Variants in SLC35F3 observed in about 807,000 individuals in gnomAD.
The protein encoded by SLC35F3 is solute carrier family 35 member F3.
In SLC35F3, 25 loss-of-function variants were observed where a neutral mutation model predicts 49.9. The ratio of observed to expected loss-of-function variants is 0.50; its 90% confidence interval spans 0.37 to 0.70. The LOEUF (loss-of-function observed/expected upper bound fraction) is 0.70, where lower values mean the gene tolerates loss of function less well. SLC35F3 is among the 30% of genes least tolerant of loss of function. The pLI is 0.00. For missense variants in SLC35F3, 525 were observed against 639.8 expected (o/e 0.82, Z 1.94); for synonymous variants, 275 against 265.4 (o/e 1.04, Z -0.35).
At chr1:234,275,386 A>T (rs1270394631) in intron 3 of SLC35F3, among the ~76,000 whole-genome samples, 1 of 152,136 alleles carries the variant, frequency 6.6e-6, no homozygotes, top group Non-Finnish European at 1.5e-5. Context: ...AGCATTTTGG[A>T]TAAGGAATAC....
intron 2 of SLC35F3, among the ~76,000 whole-genome samples, chr1:234,048,248 C>T (rs527777414): frequency 1.3e-5 from 2 of 152,036 alleles, no homozygotes; most frequent in African/African-American, 4.8e-5. Context: ...GAAACCAGAA[C>T]TTAAAAATTT....
chr1:234,292,642 T>C (rs969003977), intron 3 of SLC35F3, among the ~76,000 whole-genome samples: 2 of 152,160 alleles, frequency 1.3e-5, no homozygotes, highest in Admixed American at 6.5e-5. Flanking sequence ...TGTCTTGGAA[T>C]GGGAAAGGGC....
chr1:234,255,339 C>G (rs901476381), intron 3 of SLC35F3, among the ~76,000 whole-genome samples: 1 of 152,212 alleles, frequency 6.6e-6, no homozygotes, highest in African/African-American at 2.4e-5. Flanking sequence ...AGATCTAGAA[C>G]ACTGACAACA....
At chr1:234,164,716 A>G (rs733066) in intron 2 of SLC35F3, among the ~76,000 whole-genome samples, 21,788 of 151,920 alleles carry the variant, frequency 0.14, 4,847 homozygotes, top group African/African-American at 0.48. Context: ...GAGACATCAG[A>G]GCAATTTACC....
At chr1:234,015,825 T>C (rs753838254) in intron 2 of SLC35F3, among the ~76,000 whole-genome samples, 21 of 152,092 alleles carry the variant, frequency 1.4e-4, no homozygotes, top group Non-Finnish European at 2.9e-4. Context: ...AAACTAAAAA[T>C]TTTCTGCACC....
At chr1:234,280,910 C>A (rs1668314562) in intron 3 of SLC35F3, among the ~76,000 whole-genome samples, 1 of 152,178 alleles carries the variant, frequency 6.6e-6, no homozygotes, top group African/African-American at 2.4e-5. Context: ...TCATCCCAAC[C>A]AGAATGCTGA....
At chr1:234,035,123 A>T (rs1664121655) in intron 2 of SLC35F3, among the ~76,000 whole-genome samples, 1 of 152,146 alleles carries the variant, frequency 6.6e-6, no homozygotes, top group Non-Finnish European at 1.5e-5. Flanking sequence ...TGCATCTTGT[A>T]TCTTTCTTTC....
At chr1:233,905,220 T>G (rs1661752618) in intron 1 of SLC35F3, 90 bp downstream of exon 1, 1 of 1,413,864 alleles carries the variant, frequency 7.1e-7, no homozygotes, top group South Asian at 1.2e-5. Flanking sequence ...CACTGGGCAG[T>G]CTGAGGCTCG....
intron 2 of SLC35F3, among the ~76,000 whole-genome samples, chr1:233,922,388 G>A (rs1662077900): frequency 3.3e-5 from 5 of 151,990 alleles, no homozygotes; most frequent in African/African-American, 4.8e-5. Context: ...TTCTCTGATG[G>A]CCAGTGATGA....
At position 234,102,110 on chromosome 1, in the gene SLC35F3, T is replaced by C. The variant is rs76422983; in HGVS notation, c.284-129307T>C. Among the ~76,000 whole-genome samples, 648 of 152,320 alleles carry C rather than the reference T, an allele frequency of 4.3e-3. 8 individuals carry two copies. Among genetic ancestry groups the C allele is most frequent in the African/African-American group, 0.015 (616 of 41,568 alleles). On this transcript the variant is annotated intron_variant, in intron 2 of 7. Coordinates refer to ENST00000366618, the MANE Select transcript of SLC35F3 (RefSeq NM_173508.4). ...GCTCTTCAGAAAGTATCACTACCCATGGTCACGTAGAAGGAATTTACTTTC... is the reference window on the plus strand; with the variant it reads ...GCTCTTCAGAAAGTATCACTACCCACGGTCACGTAGAAGGAATTTACTTTC...
At chr1:233,959,653 A>G (rs189187779) in intron 2 of SLC35F3, among the ~76,000 whole-genome samples, 25 of 152,342 alleles carry the variant, frequency 1.6e-4, no homozygotes, top group African/African-American at 5.8e-4. Context: ...TCATGGAACA[A>G]TAGGACATGT....
intron 3 of SLC35F3, among the ~76,000 whole-genome samples, chr1:234,302,835 AG>A (rs1668714714): frequency 6.6e-6 from 1 of 152,162 alleles, no homozygotes; most frequent in Admixed American, 6.5e-5. Context: ...CTTCAACCAC[AG>A]AAACTTTACC....
intron 2 of SLC35F3, among the ~76,000 whole-genome samples, chr1:234,208,829 T>C (rs1667011015): frequency 1.3e-5 from 2 of 152,272 alleles, no homozygotes; most frequent in South Asian, 4.2e-4. Context: ...TGTCATTAAA[T>C]ACCCATCCAA....
intron 2 of SLC35F3, among the ~76,000 whole-genome samples, chr1:234,156,142 TAAC>T (rs1357868727): frequency 6.6e-6 from 1 of 152,182 alleles, no homozygotes. Flanking sequence ...TATTTCAAGT[TAAC>T]AATGTCATGG....
chr1:233,925,837 A>G (rs919841187), intron 2 of SLC35F3, among the ~76,000 whole-genome samples: 10 of 152,158 alleles, frequency 6.6e-5, no homozygotes, highest in South Asian at 2.1e-4. Context: ...GGTGGTGACA[A>G]AATCTCTGAG....
rs1031729988 is a variant in SLC35F3 at position 234,064,144 on chromosome 1, C to T, written c.283+158386C>T. Among the ~76,000 whole-genome samples, 5 of 152,062 alleles carry T rather than the reference C, an allele frequency of 3.3e-5. No homozygotes were observed. The South Asian group carries it at 8.3e-4, about 25-fold the overall frequency. On this transcript the variant is annotated intron_variant, in intron 2 of 7. Coordinates refer to ENST00000366618, the MANE Select transcript of SLC35F3 (RefSeq NM_173508.4). The stretch of plus-strand genomic sequence containing the variant: ...GACTGTTTCCTTTGTCTGTTTTATA[C>T]TTTTGCTTTCATAGCCCTAGATCCC...
intron 2 of SLC35F3, among the ~76,000 whole-genome samples, chr1:234,034,101 T>C (rs368284046): frequency 6.6e-6 from 1 of 152,210 alleles, no homozygotes; most frequent in African/African-American, 2.4e-5. Flanking sequence ...CTAAGTATTT[T>C]ATGTTTTTTG....
intron 2 of SLC35F3, among the ~76,000 whole-genome samples, chr1:233,906,654 G>T (rs923917928): frequency 3.9e-5 from 6 of 152,060 alleles, no homozygotes; most frequent in African/African-American, 1.4e-4. Flanking sequence ...TTAATAGCTT[G>T]TTGATTTTGA....
At chr1:234,025,773 C>T (rs548279254) in intron 2 of SLC35F3, among the ~76,000 whole-genome samples, 2 of 152,128 alleles carry the variant, frequency 1.3e-5, no homozygotes, top group Non-Finnish European at 2.9e-5. Context: ...CGTCTGTTTA[C>T]TCTGTTGATA....
Sources: allele counts gnomAD v4.1 joint callset (sites outside exome capture counted in the v4.1 genomes callset), GRCh38; gene constraint gnomAD v4.1.1; transcripts MANE v1.5; gene names NCBI Gene and HGNC (gene_info 2026-07-23, HGNC 2026-07-21).